The following LDB2 variants were observed in gnomAD, a reference collection of about 807,000 sequenced individuals.
LDB2 encodes the protein LIM domain binding 2.
In LDB2, 12 loss-of-function variants were observed where a neutral mutation model predicts 44.3. The observed-to-expected ratio is 0.27, with a 90% CI of 0.17 to 0.44. The LOEUF is 0.44. LDB2 is among the 20% of genes least tolerant of loss of function. The probability of loss-of-function intolerance (pLI) is 1.00; values close to 1 mark genes in which losing one functional copy is unlikely to be tolerated. For missense variants in LDB2, 344 were observed against 473.5 expected (o/e 0.73, Z 2.54); for synonymous variants, 164 against 174.8 (o/e 0.94, Z 0.49).
At chr4:16,569,385 G>A (rs1560502691) in intron 5 of LDB2, among the ~76,000 whole-genome samples, 2 of 152,176 alleles carry the variant, frequency 1.3e-5, no homozygotes. Context: ...AGAAGAGAGA[G>A]GAATTAGCTG....
intron 2 of LDB2, among the ~76,000 whole-genome samples, chr4:16,729,211 G>A (rs1010295816): frequency 7.9e-5 from 12 of 152,122 alleles, no homozygotes; most frequent in African/African-American, 2.7e-4. Flanking sequence ...TTCACTTTAA[G>A]AACAAAAACA....
chr4:16,620,210 T>C (rs1023624073), intron 2 of LDB2, among the ~76,000 whole-genome samples: 3 of 152,220 alleles, frequency 2.0e-5, no homozygotes, highest in African/African-American at 7.2e-5. Context: ...ATAATTAATG[T>C]GTTCATCCAT....
chr4:16,744,468 T>TA (rs1172123244), intron 2 of LDB2, among the ~76,000 whole-genome samples: 2 of 145,916 alleles, frequency 1.4e-5, no homozygotes, highest in Non-Finnish European at 3.0e-5. Context: ...AGTCACGTGA[T>TA]TTTTTTTTGC....
At chr4:16,538,038 T>C (rs1732450561) in intron 5 of LDB2, among the ~76,000 whole-genome samples, 1 of 152,234 alleles carries the variant, frequency 6.6e-6, no homozygotes, top group South Asian at 2.1e-4. Context: ...GCATGGCTGA[T>C]CTGGCATTCA....
chr4:16,585,409 A>G (rs1391221504), intron 5 of LDB2, among the ~76,000 whole-genome samples: 4 of 152,126 alleles, frequency 2.6e-5, no homozygotes, highest in Non-Finnish European at 2.9e-5. Flanking sequence ...TGTAGAGAGG[A>G]AGAATCTCCT....
chr4:16,814,536 C>T (rs1416056113), intron 1 of LDB2, among the ~76,000 whole-genome samples: 1 of 55,692 alleles, frequency 1.8e-5, no homozygotes, highest in East Asian at 2.8e-4. Flanking sequence ...ATATGAGCAA[C>T]CCCTGTAATC....
chr4:16,648,214 G>T (rs1737306490), intron 2 of LDB2, among the ~76,000 whole-genome samples: 1 of 152,194 alleles, frequency 6.6e-6, no homozygotes, highest in Non-Finnish European at 1.5e-5. Context: ...CTTGGAGAGG[G>T]TTAGGTAGCT....
intron 5 of LDB2, among the ~76,000 whole-genome samples, chr4:16,579,438 G>A (rs1713360339): frequency 6.6e-6 from 1 of 152,170 alleles, no homozygotes; most frequent in African/African-American, 2.4e-5. Context: ...TCAATATTTA[G>A]AAGAACGCAT....
chr4:16,823,891 G>A (rs977079919), intron 1 of LDB2, among the ~76,000 whole-genome samples: 1 of 152,194 alleles, frequency 6.6e-6, no homozygotes, highest in Non-Finnish European at 1.5e-5. Flanking sequence ...CACACAGACC[G>A]GGAAGATGCT....
intron 2 of LDB2, among the ~76,000 whole-genome samples, chr4:16,643,201 G>A (rs1398295468): frequency 6.7e-6 from 1 of 149,206 alleles, no homozygotes; most frequent in Admixed American, 6.7e-5. Flanking sequence ...GGTGGGGGGG[G>A]CACTTTTTCC....
intron 1 of LDB2, among the ~76,000 whole-genome samples, chr4:16,814,568 C>T (rs1214680527): frequency 6.6e-6 from 1 of 152,174 alleles, no homozygotes; most frequent in Non-Finnish European, 1.5e-5. Context: ...TATGTTCTGG[C>T]TCAAGTTAAC....
chr4:16,874,173 C>A (rs1717653923), intron 1 of LDB2, among the ~76,000 whole-genome samples: 1 of 151,954 alleles, frequency 6.6e-6, no homozygotes, highest in Admixed American at 6.6e-5. Flanking sequence ...ACATTTATAA[C>A]AAAATTAGAT....
At chr4:16,636,762 G>A (rs1159225151) in intron 2 of LDB2, among the ~76,000 whole-genome samples, 4 of 152,072 alleles carry the variant, frequency 2.6e-5, no homozygotes, top group Non-Finnish European at 4.4e-5. Flanking sequence ...TTTTAAATTT[G>A]TAATTTATCT....
At chr4:16,683,445 C>G (rs1222097611) in intron 2 of LDB2, among the ~76,000 whole-genome samples, 1 of 152,172 alleles carries the variant, frequency 6.6e-6, no homozygotes, top group Non-Finnish European at 1.5e-5. Context: ...CAAACAGGAC[C>G]TTGACCACTT....
chr4:16,729,580 C>T (rs1001146729), intron 2 of LDB2, among the ~76,000 whole-genome samples: 7 of 152,266 alleles, frequency 4.6e-5, no homozygotes, highest in African/African-American at 1.4e-4. Context: ...CTCCAAATCC[C>T]CCATCTTTGT....
intron 1 of LDB2, among the ~76,000 whole-genome samples, chr4:16,847,054 G>C (rs1787157423): frequency 6.6e-6 from 1 of 151,936 alleles, no homozygotes; most frequent in African/African-American, 2.4e-5. Context: ...TTTTCAATTT[G>C]ACTCTCACCC....
In LDB2 at chr4:16,747,086, G is replaced by A. The variant is rs560570070; in HGVS notation, c.235+12072C>T. 4.6e-5 allele frequency among the ~76,000 whole-genome samples: 7 copies of A among 152,286 alleles called. No homozygotes were observed. The South Asian group carries it at 8.3e-4, about 18-fold the overall frequency. ...ATGTCGATGAGACAATGCTGAAGAC[G>A]AGCCTGAATTTAATAAATCTTTTAA... On this transcript the variant is annotated intron_variant, in intron 2 of 7. Coordinates refer to ENST00000304523, the MANE Select transcript of LDB2 (RefSeq NM_001290.5).
intron 1 of LDB2, among the ~76,000 whole-genome samples, chr4:16,827,135 C>G (rs1783198168): frequency 6.6e-6 from 1 of 152,100 alleles, no homozygotes; most frequent in South Asian, 2.1e-4. Context: ...AAAAACAACC[C>G]CATCACCAAG....
At chr4:16,668,699 C>G (rs952229150) in intron 2 of LDB2, among the ~76,000 whole-genome samples, 1 of 152,168 alleles carries the variant, frequency 6.6e-6, no homozygotes, top group Non-Finnish European at 1.5e-5. Context: ...CAAGTGATAG[C>G]AGCATAAATC....
Sources: gnomAD v4.1 joint callset for allele counts (sites outside exome capture counted in the v4.1 genomes callset) on GRCh38, gnomAD v4.1.1 for gene constraint, MANE v1.5 for transcripts, NCBI Gene and HGNC (gene_info 2026-07-23, HGNC 2026-07-21) for gene names.